CCSER1: variants seen among roughly 807,000 people sequenced by gnomAD.
CCSER1 encodes the protein coiled-coil serine rich protein 1.
Under a neutral mutation model 82.0 loss-of-function variants are expected in CCSER1, and 41 were observed. The observed-to-expected ratio is 0.50, with a 90% CI of 0.39 to 0.65. The LOEUF (loss-of-function observed/expected upper bound fraction) is 0.65. CCSER1 is among the 30% of genes least tolerant of loss of function. CCSER1 has a pLI of 0.00. For missense variants in CCSER1, 1,119 were observed against 1,064.2 expected (o/e 1.05, Z -0.72); for synonymous variants, 414 against 383.9 (o/e 1.08, Z -0.92).
chr4:90,533,097 T>G (rs969319817), intron 5 of CCSER1, among the ~76,000 whole-genome samples: 1 of 141,398 alleles, frequency 7.1e-6, no homozygotes, highest in African/African-American at 2.7e-5. Context: ...TTTTTTTTTT[T>G]TTTTTTTTTT....
intron 5 of CCSER1, among the ~76,000 whole-genome samples, chr4:90,540,944 C>T (rs1485989104): frequency 1.3e-5 from 2 of 152,012 alleles, no homozygotes; most frequent in African/African-American, 4.8e-5. Context: ...GATAGAGGTC[C>T]AAACTATGAA....
chr4:91,236,451 C>A (rs1360425556), intron 10 of CCSER1, among the ~76,000 whole-genome samples: 1 of 152,112 alleles, frequency 6.6e-6, no homozygotes, highest in Non-Finnish European at 1.5e-5. Context: ...CCACTGCACT[C>A]CAGCCTGGGT....
At position 91,200,721 on chromosome 4, in the gene CCSER1, G is replaced by A. The variant is rs570692298; in HGVS notation, c.2217+114727G>A. Among the ~76,000 whole-genome samples the A allele has an allele frequency of 8.2e-4, 125 of 152,022 alleles. No individual in the cohort carries two copies. In the Middle Eastern group the frequency reaches 0.01, roughly 12 times the overall value. Reference sequence around the variant, plus strand: ...TTGTACGCGTTTGGAACAGAGGCAAGGAATAAGCATTTAACAGACTCCAAT... The same window carrying A: ...TTGTACGCGTTTGGAACAGAGGCAAAGAATAAGCATTTAACAGACTCCAAT... On this transcript the variant is annotated intron_variant, in intron 10 of 10. Transcript: ENST00000509176.
At chr4:90,724,599 G>C (rs1743294085) in intron 7 of CCSER1, 2 of 315,848 alleles carry the variant, frequency 6.3e-6, no homozygotes, top group East Asian at 9.2e-5. Context: ...TTAAGCCAAA[G>C]CTTGTAGATC....
chr4:91,489,964 TACAA>T (rs1472977103), intron 10 of CCSER1, among the ~76,000 whole-genome samples: 3 of 152,058 alleles, frequency 2.0e-5, no homozygotes, highest in African/African-American at 7.2e-5. Context: ...AAAAAAGAGA[TACAA>T]ACAGCAAACA....
At chr4:90,169,865 T>G (rs1301042954) in intron 1 of CCSER1, among the ~76,000 whole-genome samples, 3 of 151,944 alleles carry the variant, frequency 2.0e-5, no homozygotes, top group Admixed American at 2.0e-4. Flanking sequence ...TATTCTTAGT[T>G]CTAGGCATAA....
At chr4:91,477,031 C>CA (rs1264739735) in intron 10 of CCSER1, among the ~76,000 whole-genome samples, 4 of 151,436 alleles carry the variant, frequency 2.6e-5, no homozygotes, top group Non-Finnish European at 4.4e-5. Context: ...AGTAAGACCT[C>CA]AAAAAACACT....
At chr4:90,596,705 A>G (rs1279512224) in intron 5 of CCSER1, among the ~76,000 whole-genome samples, 3 of 150,042 alleles carry the variant, frequency 2.0e-5, no homozygotes, top group Non-Finnish European at 4.4e-5. Flanking sequence ...TTGCTAAACC[A>G]GATATTTTTT....
At chr4:90,226,145 G>T (rs1743113596) in intron 1 of CCSER1, among the ~76,000 whole-genome samples, 1 of 152,140 alleles carries the variant, frequency 6.6e-6, no homozygotes, top group Non-Finnish European at 1.5e-5. Context: ...GGTAATTTTG[G>T]ATTTCAGCCC....
At chr4:90,958,774 G>A (rs541864890) in intron 9 of CCSER1, among the ~76,000 whole-genome samples, 1 of 152,238 alleles carries the variant, frequency 6.6e-6, no homozygotes, top group Admixed American at 6.5e-5. Context: ...AGCAGACACT[G>A]ATCTTGGACT....
chr4:90,664,479 T>G (rs559803874), intron 6 of CCSER1, among the ~76,000 whole-genome samples: 4 of 152,304 alleles, frequency 2.6e-5, no homozygotes, highest in African/African-American at 9.6e-5. Flanking sequence ...TTCATCAGCA[T>G]TGTATTTTTC....
chr4:90,913,750 T>C (rs757438466), intron 8 of CCSER1, among the ~76,000 whole-genome samples: 75 of 151,984 alleles, frequency 4.9e-4, no homozygotes, highest in Admixed American at 1.3e-3. Flanking sequence ...GAAACCCATC[T>C]CACGTGCAGA....
At chr4:90,893,046 G>A (rs750402158) in intron 8 of CCSER1, among the ~76,000 whole-genome samples, 19 of 151,962 alleles carry the variant, frequency 1.3e-4, no homozygotes, top group Non-Finnish European at 1.8e-4. Context: ...CACCTACTTC[G>A]TTTGGCCTGT....
At chr4:90,577,051 T>G (rs1780849184) in intron 5 of CCSER1, among the ~76,000 whole-genome samples, 1 of 152,160 alleles carries the variant, frequency 6.6e-6, no homozygotes, top group Non-Finnish European at 1.5e-5. Flanking sequence ...GTTATTAATG[T>G]TCTGCATTTT....
intron 10 of CCSER1, among the ~76,000 whole-genome samples, chr4:91,092,502 G>C (rs1276894800): frequency 6.6e-6 from 1 of 152,220 alleles, no homozygotes; most frequent in East Asian, 1.9e-4. Flanking sequence ...AGGAACAGAG[G>C]GGCCTTGCTT....
At chr4:90,694,053 A>G (rs997545761) in intron 6 of CCSER1, among the ~76,000 whole-genome samples, 15 of 151,934 alleles carry the variant, frequency 9.9e-5, no homozygotes, top group African/African-American at 3.6e-4. Context: ...AGACATGGTG[A>G]TTTTAAAATT....
At chr4:91,331,966 C>T (rs550925554) in intron 10 of CCSER1, among the ~76,000 whole-genome samples, 105 of 152,188 alleles carry the variant, frequency 6.9e-4, no homozygotes, top group African/African-American at 2.2e-3. Flanking sequence ...TAGGCTGATA[C>T]ATATACATAT....
At chr4:91,059,455 TTATA>T (rs56706370) in intron 9 of CCSER1, among the ~76,000 whole-genome samples, 19 of 145,746 alleles carry the variant, frequency 1.3e-4, no homozygotes, top group Middle Eastern at 3.6e-3. Context: ...TTTATTAAGG[TTATA>T]TATATATATA....
At chr4:90,700,924 T>G (rs1192522474) in intron 6 of CCSER1, among the ~76,000 whole-genome samples, 3 of 152,164 alleles carry the variant, frequency 2.0e-5, no homozygotes, top group Non-Finnish European at 4.4e-5. Context: ...TTTCTCCCAT[T>G]CTGTAGGTTG....
Sources: gnomAD v4.1 joint callset for allele counts (sites outside exome capture counted in the v4.1 genomes callset) on GRCh38, gnomAD v4.1.1 for gene constraint, MANE v1.5 for transcripts, NCBI Gene and HGNC (gene_info 2026-07-23, HGNC 2026-07-21) for gene names.